Variants in ALG6 observed in about 807,000 individuals in gnomAD.
ALG6 encodes dolichyl pyrophosphate Man9GlcNAc2 alpha-1,3-glucosyltransferase.
A neutral mutation model predicts 66.6 loss-of-function variants in ALG6; 46 were observed. The observed-to-expected ratio is 0.69, with a 90% CI of 0.55 to 0.88. The LOEUF (loss-of-function observed/expected upper bound fraction) is 0.88, where lower values mean the gene tolerates loss of function less well. ALG6 is among the 40% of genes least tolerant of loss of function. The pLI is 0.00. For synonymous variants in ALG6, 185 were observed against 203.7 expected (o/e 0.91, Z 0.78); for missense variants, 505 against 586.8 (o/e 0.86, Z 1.44).
intron 6 of ALG6, among the ~76,000 whole-genome samples, 185 bp from the exon 7 acceptor site, chr1:63,406,877 C>G (rs1396298035): frequency 6.6e-6 from 1 of 151,982 alleles, no homozygotes. Flanking sequence ...TGTCCAATGT[C>G]ACCTTCATGA....
chr1:63,419,513 T>A (rs751143086), intron 12 of ALG6, 73 bp downstream of exon 12: 2 of 1,093,882 alleles, frequency 1.8e-6, no homozygotes, highest in Non-Finnish European at 1.3e-6. Context: ...CAAATATACA[T>A]TTGAATGCAA....
intron 2 of ALG6, among the ~76,000 whole-genome samples, chr1:63,388,978 C>T (rs1648587785): frequency 6.6e-6 from 1 of 152,056 alleles, no homozygotes; most frequent in Admixed American, 6.6e-5. Flanking sequence ...TTTCTTTCTT[C>T]TTGCTGCTTT....
chr1:63,379,920 T>C (rs1244736935), intron 2 of ALG6, among the ~76,000 whole-genome samples: 1 of 151,880 alleles, frequency 6.6e-6, no homozygotes, highest in Admixed American at 6.6e-5. Context: ...CCATAAGTTA[T>C]TCTAGTGTTT....
chr1:63,382,666 T>G (rs1242224997), intron 2 of ALG6, among the ~76,000 whole-genome samples: 8 of 89,868 alleles, frequency 8.9e-5, no homozygotes, highest in Non-Finnish European at 2.3e-5. Context: ...TTTTTTTTTG[T>G]TTTTTTTTTT....
chr1:63,428,562 A>G (rs1480174195), intron 12 of ALG6, 171 bp from the exon 13 acceptor site: 2 of 542,450 alleles, frequency 3.7e-6, no homozygotes, highest in African/African-American at 1.9e-5. Flanking sequence ...GTCTAGGCTA[A>G]TTTAGTCTGG....
At chr1:63,385,717 A>G (rs906914351) in intron 2 of ALG6, among the ~76,000 whole-genome samples, 3 of 152,010 alleles carry the variant, frequency 2.0e-5, no homozygotes, top group African/African-American at 7.2e-5. Flanking sequence ...TAGTTTTTTT[A>G]TGGTGTTTTA....
chr1:63,381,939 G>A (rs2100389959), intron 2 of ALG6, among the ~76,000 whole-genome samples: 1 of 152,158 alleles, frequency 6.6e-6, no homozygotes, highest in Non-Finnish European at 1.5e-5. Context: ...TACAGGATGT[G>A]ATCATCAGGC....
intron 14 of ALG6, among the ~76,000 whole-genome samples, chr1:63,436,067 C>A (rs1162358104): frequency 6.6e-6 from 1 of 152,152 alleles, no homozygotes; most frequent in Non-Finnish European, 1.5e-5. Context: ...GTGTGCTTTA[C>A]TCATTGAAAG....
chr1:63,382,806 G>A (rs1021686597), intron 2 of ALG6, among the ~76,000 whole-genome samples: 7 of 151,762 alleles, frequency 4.6e-5, no homozygotes, highest in Admixed American at 4.6e-4. Context: ...CTCCCGAGTA[G>A]CTGGGACTAC....
In ALG6 at chr1:63,436,948, C is replaced by G. The variant is rs150298974; in HGVS notation, c.1452C>G (p.Phe484Leu). ...TTGTATCTTGCTTGAACTTCCTGTT[C>G]TTCTTGGTATACTTTAACATTATTA... ...VCFVSCLNFL[F>L]FLVYFNIIIM... Residue 484 changes from phenylalanine (F) to leucine (L), a missense_variant, in exon 15 of 15, where the codon TTC (phenylalanine) becomes TTG (leucine). Physicochemically the swap from Phe to Leu is conservative, Grantham distance 22. Transcript: ENST00000263440. 3 of 1,613,524 alleles carry G rather than the reference C, an allele frequency of 1.9e-6. No individual in the cohort carries two copies. The highest frequency in any genetic ancestry group is 2.5e-6 in the Non-Finnish European group (3 of 1,179,700).
At position 63,438,111 on chromosome 1, in the gene ALG6, A is replaced by T. The variant is rs1417590407; in HGVS notation, c.*1091A>T. The T allele has an allele frequency of 1.3e-5, 2 of 152,200 alleles. No individual in the cohort carries two copies. The highest frequency in any genetic ancestry group is 2.9e-5 in the Non-Finnish European group (2 of 68,046). 9.4% of individuals were successfully genotyped at this position (152,200 alleles called of 1,614,324 possible). A position where few individuals can be genotyped will look rare whatever the true frequency, so the allele number is the denominator to read the frequency against. On this transcript the variant is annotated 3_prime_UTR_variant, in exon 15 of 15. Transcript: ENST00000263440. ...ATATTAAGTGGTGGTATATTTTAAT[A>T]TAGTGCAAATCAAACCACATACAAA... is the stretch of plus-strand genomic sequence containing the variant.
chr1:63,406,241 G>A, intron 5 of ALG6, 76 bp from the exon 6 acceptor site: 1 of 1,270,926 alleles, frequency 7.9e-7, no homozygotes, highest in East Asian at 2.3e-5. Context: ...CTCAATGTTG[G>A]AGGAAGGGAG....
intron 5 of ALG6, among the ~76,000 whole-genome samples, chr1:63,405,504 C>T (rs766929551): frequency 7.2e-5 from 11 of 152,132 alleles, no homozygotes; most frequent in Admixed American, 1.3e-4. Context: ...GTCACCTCTT[C>T]TCTAAGTTAA....
In ALG6 at chr1:63,428,648, A is replaced by G. The variant is rs1644629506; in HGVS notation, c.1059-85A>G. The G allele has an allele frequency of 4.8e-6, 5 of 1,045,432 alleles. No individual in the cohort carries two copies. In the South Asian group the frequency reaches 6.0e-5, roughly 13 times the overall value. The allele number at this position is 1,045,432 out of a possible 1,614,324, so 64.8% of individuals were successfully genotyped here. On this transcript the variant is annotated intron_variant, in intron 12 of 14. Transcript: ENST00000263440. ...TTTAAGCTACCGCTGAAAATCAGAC[A>G]GATAAAATGTATTTATATTTTTTAC... is the stretch of plus-strand genomic sequence containing the variant.
At chr1:63,381,315 G>A (rs1013227775) in intron 2 of ALG6, among the ~76,000 whole-genome samples, 12 of 152,116 alleles carry the variant, frequency 7.9e-5, no homozygotes, top group African/African-American at 2.9e-4. Context: ...TTAGCTGTGC[G>A]TGGTGGCGGG....
rs1557587260 is a variant in ALG6, at chr1:63,400,213, ATATATATACG to A, written c.168-2032_168-2023del. ...CTGTCTCAAAAAAAAAAAAATATAT[ATATATATACG>A]TATATATATATATATATATACGTAT... On this transcript the variant is annotated intron_variant, in intron 3 of 14. Transcript: ENST00000263440. 4.2e-3 allele frequency among the ~76,000 whole-genome samples: 125 copies of A among 29,558 alleles called. 34 individuals are homozygous for A. Among genetic ancestry groups the A allele is most frequent in the African/African-American group, 0.032 (121 of 3,822 alleles). The allele number at this position is 29,558 out of a possible 152,430, so 19.4% of individuals were successfully genotyped here. A position where few individuals can be genotyped will look rare whatever the true frequency, so the allele number is the denominator to read the frequency against.
chr1:63,414,409 G>A (rs545142905), intron 10 of ALG6, among the ~76,000 whole-genome samples: 1 of 151,954 alleles, frequency 6.6e-6, no homozygotes, highest in South Asian at 2.1e-4. Context: ...CCGCCACATG[G>A]CCAGCTAATT....
rs185148397 is a variant in ALG6 at position 63,411,909 on chromosome 1, C to A, written c.681-17C>A. On this transcript the variant is annotated splice_polypyrimidine_tract_variant and intron_variant, in intron 8 of 14. Transcript: ENST00000263440. ...GACCTTTCCCTATCTTACTGCCTAC[C>A]TTTGTTTTTGTTTTAGGTTTGTGTT... The A allele has an allele frequency of 4.3e-6, 7 of 1,613,914 alleles. No individual in the cohort carries two copies. Among genetic ancestry groups the A allele is most frequent in the Middle Eastern group, 1.7e-4 (1 of 6,060 alleles).
At position 63,385,184 on chromosome 1, in the gene ALG6, C is replaced by CTTTTTTTTTTT. The variant is rs1165046824; in HGVS notation, c.83-11306_83-11296dup. 2.4e-4 allele frequency among the ~76,000 whole-genome samples: 14 copies of CTTTTTTTTTTT among 58,942 alleles called. 1 individual carries two copies. The highest frequency in any genetic ancestry group is 3.9e-4 in the Non-Finnish European group (12 of 30,866). 38.7% of individuals were successfully genotyped at this position (58,942 alleles called of 152,430 possible). ...TTTTTATTAAGATCTTTTACTTCTT[C>CTTTTTTTTTTT]TTTTTTTTTTTTTTTTTTTTTTTTT... On this transcript the variant is annotated intron_variant, in intron 2 of 14. Coordinates refer to ENST00000263440, the MANE Select transcript of ALG6 (RefSeq NM_013339.4).
Sources: gnomAD v4.1 joint callset for allele counts (sites outside exome capture counted in the v4.1 genomes callset) on GRCh38, gnomAD v4.1.1 for gene constraint, MANE v1.5 for transcripts, NCBI Gene and HGNC (gene_info 2026-07-23, HGNC 2026-07-21) for gene names.